The following CYFIP2 variants were observed in gnomAD, a reference collection of about 807,000 sequenced individuals.
CYFIP2 encodes cytoplasmic FMR1 interacting protein 2, also known as cytoplasmic FMR1-interacting protein 2.
A neutral mutation model predicts 158.7 loss-of-function variants in CYFIP2; 29 were observed. That is an observed-to-expected ratio of 0.18 (90% CI 0.14 to 0.25). The LOEUF (loss-of-function observed/expected upper bound fraction) is 0.25, where lower values mean the gene tolerates loss of function less well. Among genes scored for constraint, CYFIP2 ranks in the 10% least tolerant of loss-of-function variants. CYFIP2 has a pLI of 1.00. For synonymous variants in CYFIP2, 585 were observed against 617.6 expected (o/e 0.95, Z 0.78); for missense variants, 852 against 1,639.5 (o/e 0.52, Z 8.29).
chr5:157,295,333 A>G (rs192343523), intron 4 of CYFIP2, among the ~76,000 whole-genome samples: 1 of 152,248 alleles, frequency 6.6e-6, no homozygotes, highest in East Asian at 1.9e-4. Flanking sequence ...TTTTTTCCCC[A>G]CTTAATTCTT....
chr5:157,315,187 G>A, intron 13 of CYFIP2, 93 bp downstream of exon 13: 2 of 1,501,444 alleles, frequency 1.3e-6, no homozygotes, highest in Non-Finnish European at 1.8e-6. Context: ...AGCATCGGTT[G>A]CCCTAATTTT....
intron 23 of CYFIP2, chr5:157,343,667 A>C: frequency 1.3e-6 from 1 of 793,962 alleles, no homozygotes; most frequent in East Asian, 2.7e-5. Context: ...TTACAGACAA[A>C]GAAATGGAGG....
Position 157,361,297 on chromosome 5 carries a change from A to T in CYFIP2, c.2909-171A>T. On this transcript the variant is annotated intron_variant, in intron 25 of 30. Coordinates refer to ENST00000620254, the MANE Select transcript of CYFIP2 (RefSeq NM_001037333.3). This position sits in a 1 kb window ranked among gnomAD's most constrained non-coding sequence, Gnocchi z 4.4. Reference sequence around the variant, plus strand: ...TGAGCCAGCTACTCGAACTTTGTCCAGTACTGAGCCCTGAAAGAAATCTCA... The same window carrying T: ...TGAGCCAGCTACTCGAACTTTGTCCTGTACTGAGCCCTGAAAGAAATCTCA... 1 of 714,816 alleles carries T rather than the reference A, an allele frequency of 1.4e-6. No individual in the cohort carries two copies. The highest frequency in any genetic ancestry group is 2.3e-6 in the Non-Finnish European group (1 of 441,300). 44.3% of individuals were successfully genotyped at this position (714,816 alleles called of 1,614,324 possible). A position where few individuals can be genotyped will look rare whatever the true frequency, so the allele number is the denominator to read the frequency against.
chr5:157,333,305 T>TTC lies in CYFIP2; in HGVS notation c.2266-10_2266-9dup, dbSNP rs755708842. On this transcript the variant is annotated intron_variant, in intron 20 of 30. Coordinates refer to ENST00000620254, the MANE Select transcript of CYFIP2 (RefSeq NM_001037333.3). Reference sequence around the variant, plus strand: ...GGCCAGTGTGAATTTTAAGTAACTTTTCTCTCTCTCTCTTCATCCAGCTGT... The same window carrying TTC: ...GGCCAGTGTGAATTTTAAGTAACTTTTCTCTCTCTCTCTCTTCATCCAGCTGT... 9.4e-6 allele frequency: 15 copies of TTC among 1,603,314 alleles called. No homozygotes were observed. The African/African-American group carries it at 1.5e-4, about 16-fold the overall frequency.
chr5:157,326,502 A>G (rs1159690275), intron 18 of CYFIP2, among the ~76,000 whole-genome samples: 2 of 152,212 alleles, frequency 1.3e-5, no homozygotes, highest in African/African-American at 4.8e-5. Flanking sequence ...GTGCTGCACC[A>G]TGAAGGGCTT....
At chr5:157,293,755 A>G (rs1383164728) in intron 3 of CYFIP2, among the ~76,000 whole-genome samples, 1 of 152,232 alleles carries the variant, frequency 6.6e-6, no homozygotes, top group Non-Finnish European at 1.5e-5. Context: ...CAGTAAAGAA[A>G]GAGTTTAATC....
chr5:157,314,670 C>T (rs1344635437), intron 12 of CYFIP2, among the ~76,000 whole-genome samples: 23 of 152,196 alleles, frequency 1.5e-4, no homozygotes, highest in Admixed American at 1.3e-3. Context: ...ATTTTCTTGA[C>T]TTCAAAAAGA....
intron 5 of CYFIP2, among the ~76,000 whole-genome samples, chr5:157,297,891 A>C (rs1406321926): frequency 1.3e-5 from 2 of 152,270 alleles, no homozygotes; most frequent in African/African-American, 2.4e-5. Flanking sequence ...GCACACTGCA[A>C]GTGCAGAGTG....
intron 29 of CYFIP2, 86 bp downstream of exon 29, chr5:157,389,513 C>T (rs142867180): frequency 0.013 from 16,608 of 1,296,844 alleles, 145 homozygotes; most frequent in Non-Finnish European, 0.015. Context: ...CAGCCAGAAA[C>T]GTGGGCAGGG....
intron 30 of CYFIP2, 39 bp from the exon 31 acceptor site, chr5:157,392,794 T>C: frequency 6.2e-7 from 1 of 1,603,956 alleles, no homozygotes; most frequent in Non-Finnish European, 8.5e-7. Flanking sequence ...CACCCCCACT[T>C]TGTCCTGCCC....
Position 157,300,740 on chromosome 5 carries a change from G to T in CYFIP2, c.413G>T (p.Ser138Ile). The change falls in exon 6 of 31, where the codon AGC (serine) becomes ATC (isoleucine). Residue 138 changes from serine (S) to isoleucine (I), a missense_variant. Physicochemically the swap from Ser to Ile is moderately radical, Grantham distance 142 (BLOSUM62 -2). Coordinates refer to ENST00000620254, the MANE Select transcript of CYFIP2 (RefSeq NM_001037333.3). The stretch of plus-strand genomic sequence containing the variant: ...CGCAAGGCCATCGAGCGGTTCTGCA[G>T]CGAGGTGAAGCGGCTGTGCCATGCC... ...FQRKAIERFC[S>I]EVKRLCHAER... The T allele has an allele frequency of 6.2e-7, 1 of 1,608,758 alleles. No homozygotes were observed. The highest frequency in any genetic ancestry group is 8.5e-7 in the Non-Finnish European group (1 of 1,176,846).
At chr5:157,381,731 T>C (rs117113424) in intron 26 of CYFIP2, among the ~76,000 whole-genome samples, 78 of 152,302 alleles carry the variant, frequency 5.1e-4, no homozygotes, top group African/African-American at 1.8e-3. Flanking sequence ...GGATTGGCAG[T>C]GTTCCATCCA....
At chr5:157,346,830 A>C (rs1426703715) in intron 23 of CYFIP2, among the ~76,000 whole-genome samples, 1 of 152,130 alleles carries the variant, frequency 6.6e-6, no homozygotes, top group Non-Finnish European at 1.5e-5. Context: ...CAGAAATGGA[A>C]ACTGTTTGCT....
chr5:157,323,852 A>G (rs1760802511), intron 15 of CYFIP2, 69 bp from the exon 16 acceptor site: 10 of 1,431,184 alleles, frequency 7.0e-6, no homozygotes, highest in Non-Finnish European at 7.4e-6. Flanking sequence ...TAAATACAAC[A>G]TGAAGCAACC....
intron 1 of CYFIP2, among the ~76,000 whole-genome samples, chr5:157,284,791 A>G (rs556697371): frequency 6.6e-6 from 1 of 152,350 alleles, no homozygotes; most frequent in South Asian, 2.1e-4. Context: ...TTTGCAAAGA[A>G]GGTTGATTTG....
intron 14 of CYFIP2, 79 bp downstream of exon 14, chr5:157,320,007 C>G: frequency 6.5e-7 from 1 of 1,539,966 alleles, no homozygotes; most frequent in Non-Finnish European, 8.8e-7. Context: ...CCTGGCTCAG[C>G]CACTGAACAC....
At chr5:157,318,614 A>G (rs1256682082) in intron 13 of CYFIP2, among the ~76,000 whole-genome samples, 1 of 152,228 alleles carries the variant, frequency 6.6e-6, no homozygotes, top group East Asian at 1.9e-4. Context: ...TAGAGAAAAA[A>G]ACAGCCTTAG....
intron 23 of CYFIP2, chr5:157,343,130 C>T: frequency 6.2e-7 from 1 of 1,614,186 alleles, no homozygotes. Flanking sequence ...ACGGACACAC[C>T]AGAACTGGAG....
intron 6 of CYFIP2, 130 bp downstream of exon 6, chr5:157,301,026 A>C: frequency 3.9e-6 from 3 of 765,402 alleles, no homozygotes; most frequent in Non-Finnish European, 3.9e-6. Flanking sequence ...CCATCCCCCA[A>C]ACATAGTGAG....
Sources: gnomAD v4.1 joint callset for allele counts (sites outside exome capture counted in the v4.1 genomes callset) on GRCh38, gnomAD v4.1.1 for gene constraint, Gnocchi (gnomAD v3.1) non-coding constraint, MANE v1.5 for transcripts, NCBI Gene and HGNC (gene_info 2026-07-23, HGNC 2026-07-21) for gene names.